Variants in CSAD observed in about 807,000 individuals in gnomAD.
CSAD encodes cysteine sulfinic acid decarboxylase.
CSAD carries 47 observed loss-of-function variants against 61.5 expected under a neutral mutation model. The ratio of observed to expected loss-of-function variants is 0.76; its 90% confidence interval spans 0.60 to 0.97. CSAD has a LOEUF of 0.97. Ranked by LOEUF, CSAD falls within the 50% of genes least tolerant of loss-of-function variation. The pLI is 0.00. For missense variants in CSAD, 611 were observed against 643.6 expected (o/e 0.95, Z 0.55); for synonymous variants, 245 against 252.7 (o/e 0.97, Z 0.29).
intron 2 of CSAD, 95 bp from the exon 3 acceptor site, chr12:53,173,865 C>G: frequency 8.1e-7 from 1 of 1,236,912 alleles, no homozygotes; most frequent in South Asian, 1.3e-5. Flanking sequence ...TTGCAACCAT[C>G]ATCACTATCT....
intron 1 of CSAD, 109 bp from the exon 2 acceptor site, chr12:53,179,251 A>G (rs1373243816): frequency 6.5e-6 from 1 of 153,812 alleles, no homozygotes; most frequent in Non-Finnish European, 1.4e-5. Context: ...AGGCACACAC[A>G]TAAACTGGAA....
chr12:53,171,642 C>T (rs1940594013), intron 7 of CSAD: 2 of 634,734 alleles, frequency 3.2e-6, no homozygotes, highest in Non-Finnish European at 5.4e-6. Context: ...ACATCTGGGG[C>T]TGCCCCCAAG....
chr12:53,173,189 T>C (rs189455062), intron 4 of CSAD, 156 bp downstream of exon 4: 46 of 701,662 alleles, frequency 6.6e-5, no homozygotes, highest in Middle Eastern at 3.5e-4. Context: ...GCCTGGCCGA[T>C]AGAGCGAGAC....
At chr12:53,170,537 T>C (rs751719944) in intron 8 of CSAD, 35 bp from the exon 9 acceptor site, 1 of 1,529,842 alleles carries the variant, frequency 6.5e-7, no homozygotes. Context: ...TTAGCACAAC[T>C]TGATGGGGGA....
intron 2 of CSAD, among the ~76,000 whole-genome samples, chr12:53,174,512 G>A (rs1190105354): frequency 3.3e-5 from 5 of 151,942 alleles, no homozygotes; most frequent in African/African-American, 1.2e-4. Flanking sequence ...TATAAAAATT[G>A]TCCGCGTGTG....
chr12:53,159,595 G>C, intron 16 of CSAD, 28 bp downstream of exon 16: 1 of 1,588,344 alleles, frequency 6.3e-7, no homozygotes, highest in Non-Finnish European at 8.6e-7. Context: ...CTCCCTAACG[G>C]GTAAAGAGAG....
intron 16 of CSAD, 24 bp from the exon 17 acceptor site, chr12:53,158,708 C>G: frequency 6.2e-7 from 1 of 1,607,502 alleles, no homozygotes; most frequent in Non-Finnish European, 8.5e-7. Context: ...GAGAGAGATT[C>G]CAGCTGCAGC....
chr12:53,161,469 A>G, intron 10 of CSAD, 80 bp from the exon 11 acceptor site: 1 of 1,173,290 alleles, frequency 8.5e-7, no homozygotes, highest in Non-Finnish European at 1.2e-6. Flanking sequence ...CCCAGCTCTA[A>G]GCTCTTTGCA....
intron 10 of CSAD, among the ~76,000 whole-genome samples, chr12:53,161,933 C>T (rs961075884): frequency 9.9e-5 from 15 of 152,138 alleles, no homozygotes; most frequent in African/African-American, 3.1e-4. Flanking sequence ...GCACTCCAGC[C>T]TGGGCAACAG....
intron 10 of CSAD, among the ~76,000 whole-genome samples, chr12:53,162,878 A>G (rs1939454019): frequency 6.6e-6 from 1 of 151,904 alleles, no homozygotes; most frequent in Non-Finnish European, 1.5e-5. Context: ...CCTGACCAAC[A>G]TGGAACAACC....
At chr12:53,170,640 G>A (rs2121512435) in intron 8 of CSAD, 138 bp from the exon 9 acceptor site, 2 of 690,852 alleles carry the variant, frequency 2.9e-6, no homozygotes, top group Non-Finnish European at 5.2e-6. Context: ...CGAATCGCCT[G>A]GGTGTCTGGT....
chr12:53,158,741 T>C (rs1938874403), intron 16 of CSAD, 57 bp from the exon 17 acceptor site: 1 of 1,543,832 alleles, frequency 6.5e-7, no homozygotes, highest in Non-Finnish European at 8.8e-7. Context: ...ACAGGTAGGC[T>C]GGCTTCTTGT....
chr12:53,171,625 C>T (rs1301847199), intron 7 of CSAD, 184 bp from the exon 8 acceptor site: 5 of 651,586 alleles, frequency 7.7e-6, no homozygotes, highest in Non-Finnish European at 1.3e-5. Flanking sequence ...CTTGACCACA[C>T]CTCTCCACAT....
chr12:53,180,025 G>A, intron 1 of CSAD: 1 of 1,431,318 alleles, frequency 7.0e-7, no homozygotes, highest in Non-Finnish European at 9.1e-7. Context: ...GGAGTAAAGG[G>A]CGAAGGGGAG....
intron 14 of CSAD, 22 bp downstream of exon 14, chr12:53,160,098 C>G (rs369419438): frequency 1.2e-6 from 2 of 1,610,700 alleles, no homozygotes; most frequent in East Asian, 4.5e-5. Flanking sequence ...ACAGGGACGA[C>G]CCCCCACCTC....
At chr12:53,168,490 T>C (rs941651557) in intron 10 of CSAD, among the ~76,000 whole-genome samples, 1 of 152,206 alleles carries the variant, frequency 6.6e-6, no homozygotes, top group Non-Finnish European at 1.5e-5. Context: ...GTAACATCCA[T>C]ATATCAATAA....
rs575257751 is a variant in CSAD, at chr12:53,170,444, C to G, written c.626G>C (p.Arg209Pro). The G allele has an allele frequency of 6.2e-7, 1 of 1,613,994 alleles. No homozygotes were observed. The highest frequency in any genetic ancestry group is 1.3e-5 in the African/African-American group (1 of 74,902). Residue 209 changes from arginine (R) to proline (P), a missense_variant, in exon 9 of 17, where the codon CGA becomes CCA. Transcript: ENST00000444623. Reference protein sequence around the residue: ...AFLGLGTDSVRVVKADERGKM... With the variant: ...AFLGLGTDSVPVVKADERGKM... ...TCACCTCTCATCAGCCTTGACCACTCGGACACTGTCGGTGCCAAGTCCCAG... is the reference window on the plus strand; with the variant it reads ...TCACCTCTCATCAGCCTTGACCACTGGGACACTGTCGGTGCCAAGTCCCAG...
intron 2 of CSAD, among the ~76,000 whole-genome samples, chr12:53,174,287 G>A (rs571079781): frequency 6.3e-5 from 9 of 143,046 alleles, no homozygotes; most frequent in African/African-American, 2.1e-4. Context: ...CAGCCTAGGC[G>A]ACAGAGCGAG....
chr12:53,180,018 G>C, intron 1 of CSAD: 2 of 1,441,176 alleles, frequency 1.4e-6, no homozygotes. Flanking sequence ...ACGGCCTGGA[G>C]TAAAGGGCGA....
Sources: allele counts gnomAD v4.1 joint callset (sites outside exome capture counted in the v4.1 genomes callset), GRCh38; gene constraint gnomAD v4.1.1; transcripts MANE v1.5; gene names NCBI Gene and HGNC (gene_info 2026-07-23, HGNC 2026-07-21).